The following FSTL5 variants were observed in gnomAD, a reference collection of about 807,000 sequenced individuals.
FSTL5 encodes the protein follistatin-related protein 5.
A neutral mutation model predicts 89.1 loss-of-function variants in FSTL5; 62 were observed. That is an observed-to-expected ratio of 0.70 (90% CI 0.57 to 0.86). The LOEUF is 0.86. Among genes scored for constraint, FSTL5 ranks in the 40% least tolerant of loss-of-function variants. The pLI is 0.00. For synonymous variants in FSTL5, 383 were observed against 346.2 expected, an observed-to-expected ratio of 1.11 and a Z score of -1.18; for missense variants, 1,057 against 1,001.6, an observed-to-expected ratio of 1.06 and a Z score of -0.75.
At chr4:162,063,495 T>C (rs1738787625) in intron 2 of FSTL5, among the ~76,000 whole-genome samples, 1 of 151,870 alleles carries the variant, frequency 6.6e-6, no homozygotes, top group Non-Finnish European at 1.5e-5. Flanking sequence ...TGAAAGATCA[T>C]GGTAAAATCC....
At chr4:162,029,906 C>T (rs1017022717) in intron 3 of FSTL5, among the ~76,000 whole-genome samples, 11 of 144,126 alleles carry the variant, frequency 7.6e-5, no homozygotes, top group Non-Finnish European at 4.6e-5. Flanking sequence ...AAATTATTTC[C>T]TTTTTTTTTT....
intron 14 of FSTL5, among the ~76,000 whole-genome samples, chr4:161,457,688 T>C (rs1436773019): frequency 6.6e-6 from 1 of 152,098 alleles, no homozygotes; most frequent in East Asian, 1.9e-4. Context: ...GTTATACTAA[T>C]CTTAAAGTTA....
chr4:161,975,252 G>A (rs1735599918), intron 3 of FSTL5, among the ~76,000 whole-genome samples: 2 of 143,750 alleles, frequency 1.4e-5, no homozygotes. Flanking sequence ...CCCATTACTG[G>A]GTATATACCC....
At chr4:161,675,940 C>T (rs1737286239) in intron 6 of FSTL5, among the ~76,000 whole-genome samples, 1 of 152,028 alleles carries the variant, frequency 6.6e-6, no homozygotes, top group Non-Finnish European at 1.5e-5. Flanking sequence ...TGCAATGTGG[C>T]ATATTACCCA....
chr4:161,892,999 G>T (rs893445821), intron 4 of FSTL5, among the ~76,000 whole-genome samples: 5 of 152,114 alleles, frequency 3.3e-5, no homozygotes, highest in African/African-American at 9.7e-5. Context: ...AGATACAAGT[G>T]AGTGTTTTCC....
intron 4 of FSTL5, among the ~76,000 whole-genome samples, chr4:161,778,092 T>TCTCA (rs1011422663): frequency 1.6e-4 from 24 of 148,348 alleles, no homozygotes; most frequent in African/African-American, 6.0e-4. Flanking sequence ...AGACTCCGTA[T>TCTCA]CACACACACA....
chr4:161,735,186 T>C (rs1189047504), intron 6 of FSTL5, among the ~76,000 whole-genome samples: 1 of 152,188 alleles, frequency 6.6e-6, no homozygotes, highest in African/African-American at 2.4e-5. Flanking sequence ...TATTTAATGC[T>C]TATCAGTTTA....
chr4:162,159,268 T>A (rs1733601517), intron 1 of FSTL5, among the ~76,000 whole-genome samples: 1 of 152,088 alleles, frequency 6.6e-6, no homozygotes, highest in Non-Finnish European at 1.5e-5. Flanking sequence ...ATGTATGTCT[T>A]AATTGCTACC....
intron 10 of FSTL5, among the ~76,000 whole-genome samples, chr4:161,533,163 A>C (rs1442018548): frequency 3.5e-5 from 5 of 141,746 alleles, no homozygotes. Flanking sequence ...CAGACTTAGA[A>C]CTAGGAAAAA....
At chr4:161,882,282 G>A (rs1311569393) in intron 4 of FSTL5, among the ~76,000 whole-genome samples, 1 of 151,814 alleles carries the variant, frequency 6.6e-6, no homozygotes, top group Admixed American at 6.6e-5. Flanking sequence ...CTGATCACCC[G>A]TCTAACCTTA....
At chr4:161,492,644 T>C (rs1181991036) in intron 12 of FSTL5, among the ~76,000 whole-genome samples, 1 of 152,086 alleles carries the variant, frequency 6.6e-6, no homozygotes, top group East Asian at 1.9e-4. Context: ...CAACCCATCA[T>C]ATGTCTTCTA....
Position 161,386,077 on chromosome 4 carries a change from G to A in FSTL5, c.2214C>T (p.His738=). 3.1e-6 allele frequency: 5 copies of A among 1,613,994 alleles called. No individual in the cohort carries two copies. The highest frequency in any genetic ancestry group is 4.2e-6 in the Non-Finnish European group (5 of 1,179,956). ...QEAFDIYTNL[H]ISDLAFQPSF... ...ATGGTTGAAATGCCAGATCAGATATGTGCAGATTTGTGTAAATATCAAAAG... is the reference window on the plus strand; with the variant it reads ...ATGGTTGAAATGCCAGATCAGATATATGCAGATTTGTGTAAATATCAAAAG... The change falls in exon 16 of 16, where the codon CAC becomes CAT. Residue 738 remains histidine (H), a synonymous_variant. Coordinates refer to ENST00000306100, the MANE Select transcript of FSTL5 (RefSeq NM_020116.5).
chr4:162,082,855 C>A (rs1016460728), intron 2 of FSTL5, among the ~76,000 whole-genome samples: 2 of 150,724 alleles, frequency 1.3e-5, no homozygotes, highest in Admixed American at 1.3e-4. Context: ...AAAATAAATA[C>A]TCTCACCTGT....
At chr4:161,870,349 C>T (rs1732223578) in intron 4 of FSTL5, among the ~76,000 whole-genome samples, 2 of 151,758 alleles carry the variant, frequency 1.3e-5, no homozygotes. Context: ...ATCATACACA[C>T]ACACACACGT....
chr4:161,535,657 C>T (rs1380873907), intron 10 of FSTL5, among the ~76,000 whole-genome samples: 9 of 152,090 alleles, frequency 5.9e-5, no homozygotes, highest in Admixed American at 5.9e-4. Flanking sequence ...CTTGTTCAGC[C>T]ACTGTGGTTA....
chr4:162,149,305 C>G (rs1483705830), intron 1 of FSTL5, among the ~76,000 whole-genome samples: 2 of 151,878 alleles, frequency 1.3e-5, no homozygotes, highest in Non-Finnish European at 2.9e-5. Context: ...GTCAGGAGTT[C>G]GAGACCAGCC....
At position 162,006,913 on chromosome 4, in the gene FSTL5, G is replaced by A. The variant is rs186821753; in HGVS notation, c.160+26712C>T. ...CTCAAGTCATTAAATTGGTGGATCAGAAAATATTATTTTGTTAAGTTAAAA... is the reference window on the plus strand; with the variant it reads ...CTCAAGTCATTAAATTGGTGGATCAAAAAATATTATTTTGTTAAGTTAAAA... On this transcript the variant is annotated intron_variant, in intron 3 of 15. Transcript: ENST00000306100. Among the ~76,000 whole-genome samples, 42 of 151,996 alleles carry A rather than the reference G, an allele frequency of 2.8e-4. No individual in the cohort carries two copies. The East Asian group carries it at 7.5e-3, about 27-fold the overall frequency.
chr4:161,854,522 T>C lies in FSTL5; in HGVS notation c.409+65882A>G, dbSNP rs370901823. ...GCCTAAGAGAACAAAAGATGCGTTA[T>C]TACATACTGTGTGATGGGGTTTTGA... On this transcript the variant is annotated intron_variant, in intron 4 of 15. Transcript: ENST00000306100. 5.6e-4 allele frequency among the ~76,000 whole-genome samples: 86 copies of C among 152,326 alleles called. 1 individual carries two copies. Among genetic ancestry groups the C allele is most frequent in the African/African-American group, 1.9e-3 (78 of 41,576 alleles).
intron 13 of FSTL5, among the ~76,000 whole-genome samples, chr4:161,474,179 C>G (rs1202562872): frequency 6.6e-6 from 1 of 152,072 alleles, no homozygotes; most frequent in African/African-American, 2.4e-5. Context: ...TATAGCAGTT[C>G]TATAATACCT....
Sources: gnomAD v4.1 joint callset for allele counts (sites outside exome capture counted in the v4.1 genomes callset) on GRCh38, gnomAD v4.1.1 for gene constraint, MANE v1.5 for transcripts, NCBI Gene and HGNC (gene_info 2026-07-23, HGNC 2026-07-21) for gene names.